Variants in ANKRD27 observed in about 807,000 individuals in gnomAD.
ANKRD27 encodes the protein ankyrin repeat domain-containing protein 27.
A neutral mutation model predicts 129.7 loss-of-function variants in ANKRD27; 112 were observed. The ratio of observed to expected loss-of-function variants is 0.86; its 90% CI spans 0.74 to 1.01. ANKRD27 has a LOEUF of 1.01. ANKRD27 is among the 50% of genes least tolerant of loss of function. ANKRD27 has a pLI of 0.00. For missense variants in ANKRD27, 1,258 were observed against 1,300.5 expected (o/e 0.97, Z 0.50); for synonymous variants, 516 against 511.2 (o/e 1.01, Z -0.13).
intron 2 of ANKRD27, among the ~76,000 whole-genome samples, chr19:32,653,862 T>C (rs1304458198): frequency 1.3e-5 from 2 of 152,228 alleles, no homozygotes; most frequent in African/African-American, 2.4e-5. Context: ...GGGAGAAGCG[T>C]GGTGCGGTTC....
intron 18 of ANKRD27, among the ~76,000 whole-genome samples, chr19:32,620,556 G>A (rs1247923383): frequency 2.3e-5 from 3 of 128,682 alleles, no homozygotes; most frequent in Non-Finnish European, 3.3e-5. Context: ...GCGACAGAGC[G>A]AGACTCCGTC....
intron 12 of ANKRD27, 42 bp downstream of exon 12, chr19:32,639,314 T>A (rs568647679): frequency 1.2e-6 from 2 of 1,613,096 alleles, no homozygotes; most frequent in South Asian, 1.1e-5. Flanking sequence ...AAGGGAACCA[T>A]GATGCCCACA....
chr19:32,654,529 G>A (rs1285980811), intron 2 of ANKRD27, among the ~76,000 whole-genome samples: 1 of 152,216 alleles, frequency 6.6e-6, no homozygotes, highest in Non-Finnish European at 1.5e-5. Flanking sequence ...GGACTGGACA[G>A]GTGTGGGTCC....
chr19:32,640,629 C>T (rs1384124706), intron 10 of ANKRD27, among the ~76,000 whole-genome samples: 2 of 152,172 alleles, frequency 1.3e-5, no homozygotes, highest in East Asian at 1.9e-4. Flanking sequence ...TAGCCAGATA[C>T]GGCAGCACGT....
intron 5 of ANKRD27, 34 bp from the exon 6 acceptor site, chr19:32,643,665 T>G: frequency 6.2e-7 from 1 of 1,611,854 alleles, no homozygotes; most frequent in African/African-American, 1.3e-5. Context: ...CAGGCCACCC[T>G]TACCAGCAAG....
intron 2 of ANKRD27, 95 bp downstream of exon 2, chr19:32,658,819 A>T (rs1442466780): frequency 9.2e-7 from 1 of 1,087,154 alleles, no homozygotes; most frequent in South Asian, 1.3e-5. Flanking sequence ...TGTTAAGCTG[A>T]GTTTATAACA....
At chr19:32,609,891 G>A (rs1971808554) in intron 22 of ANKRD27, among the ~76,000 whole-genome samples, 1 of 151,914 alleles carries the variant, frequency 6.6e-6, no homozygotes, top group Non-Finnish European at 1.5e-5. Context: ...AAACACCACT[G>A]GAGACCGGGT....
chr19:32,622,729 C>A lies in ANKRD27; in HGVS notation c.1630-110G>T, dbSNP rs534251263. On this transcript the variant is annotated intron_variant, in intron 17 of 28. Coordinates refer to ENST00000306065, the MANE Select transcript of ANKRD27 (RefSeq NM_032139.3). Reference sequence around the variant, plus strand: ...CAAATGTGCAGTAACAGACAGAACTCAGAAGTGTCACAGTATCTGATCAGG... The same window carrying A: ...CAAATGTGCAGTAACAGACAGAACTAAGAAGTGTCACAGTATCTGATCAGG... The A allele has an allele frequency of 5.2e-6, 5 of 964,724 alleles. No homozygotes were observed. The South Asian group carries it at 6.9e-5, about 13-fold the overall frequency. 59.8% of individuals were successfully genotyped at this position (964,724 alleles called of 1,614,324 possible).
In ANKRD27 at chr19:32,625,931, C is replaced by T. The variant is rs756800307; in HGVS notation, c.1572G>A (p.Val524=). 2 of 1,611,090 alleles carry T rather than the reference C, an allele frequency of 1.2e-6. No homozygotes were observed. The highest frequency in any genetic ancestry group is 1.7e-6 in the Non-Finnish European group (2 of 1,179,136). ...LLLHYKASAE[V]QDNNGNTPLH... ...GTGGCGTATTCCCATTGTTGTCCTG[C>T]ACTTCCGCGCTGGCCTTGTAGTGCA... The change falls in exon 17 of 29, where the codon GTG becomes GTA. Residue 524 remains valine, a synonymous_variant. Transcript: ENST00000306065.
At chr19:32,603,467 C>T (rs574507352) in intron 25 of ANKRD27, among the ~76,000 whole-genome samples, 2 of 152,174 alleles carry the variant, frequency 1.3e-5, no homozygotes, top group Admixed American at 6.5e-5. Flanking sequence ...CCTTCCCCGC[C>T]GCTCTCCACG....
At chr19:32,630,861 G>A (rs1052027189) in intron 13 of ANKRD27, among the ~76,000 whole-genome samples, 1 of 152,044 alleles carries the variant, frequency 6.6e-6, no homozygotes, top group Admixed American at 6.6e-5. Context: ...CGGGCTTCTG[G>A]CCTCAAGTGA....
At chr19:32,627,543 C>T (rs896598204) in intron 15 of ANKRD27, among the ~76,000 whole-genome samples, 3 of 151,802 alleles carry the variant, frequency 2.0e-5, no homozygotes, top group African/African-American at 4.8e-5. Flanking sequence ...GGATTATAGG[C>T]GTGACCACCA....
At chr19:32,631,285 CTG>C in intron 13 of ANKRD27, 115 bp downstream of exon 13, 2 of 902,836 alleles carry the variant, frequency 2.2e-6, no homozygotes, top group Non-Finnish European at 3.5e-6. Context: ...TCCCAAAGTG[CTG>C]TGATTATAGG....
intron 20 of ANKRD27, among the ~76,000 whole-genome samples, chr19:32,618,451 GAAAAAAAAA>G (rs55674756): frequency 1.1e-3 from 113 of 100,302 alleles, no homozygotes; most frequent in Admixed American, 4.5e-3. Context: ...GTCCCAAAAA[GAAAAAAAAA>G]AAAAAAAAAA....
At chr19:32,620,529 A>G (rs1395037963) in intron 18 of ANKRD27, among the ~76,000 whole-genome samples, 1 of 151,078 alleles carries the variant, frequency 6.6e-6, no homozygotes, top group Admixed American at 6.6e-5. Flanking sequence ...AGATCATGCC[A>G]CTGCACTCCA....
intron 1 of ANKRD27, among the ~76,000 whole-genome samples, chr19:32,668,602 A>C (rs1286929400): frequency 6.7e-6 from 1 of 150,192 alleles, no homozygotes; most frequent in Non-Finnish European, 1.5e-5. Context: ...CCTCCCAAGT[A>C]GTTGGGACTA....
intron 26 of ANKRD27, chr19:32,600,259 G>A: frequency 2.3e-6 from 1 of 441,220 alleles, no homozygotes; most frequent in Non-Finnish European, 4.2e-6. Flanking sequence ...AATGCCACAG[G>A]CTGGGTGCAG....
At chr19:32,628,670 A>C in intron 14 of ANKRD27, 52 bp downstream of exon 14, 1 of 1,608,300 alleles carries the variant, frequency 6.2e-7, no homozygotes, top group Non-Finnish European at 8.5e-7. Context: ...AAGGTCCAGG[A>C]GGCCTGTCTC....
At chr19:32,628,591 T>C in intron 14 of ANKRD27, 131 bp downstream of exon 14, 1 of 1,178,990 alleles carries the variant, frequency 8.5e-7, no homozygotes, top group Non-Finnish European at 1.2e-6. Flanking sequence ...TCATCTCCAC[T>C]GTACAGCAGA....
Sources: gnomAD v4.1 joint callset for allele counts (sites outside exome capture counted in the v4.1 genomes callset) on GRCh38, gnomAD v4.1.1 for gene constraint, MANE v1.5 for transcripts, NCBI Gene and HGNC (gene_info 2026-07-23, HGNC 2026-07-21) for gene names.